Variants in GXYLT2 observed in about 807,000 individuals in gnomAD.
GXYLT2 encodes glycosyltransferase 8 domain containing 4.
In GXYLT2, 53 loss-of-function variants were observed where a neutral mutation model predicts 45.8. The observed-to-expected ratio is 1.16, with a 90% CI of 0.93 to 1.46. GXYLT2 has a LOEUF of 1.46. Among genes scored for constraint, GXYLT2 ranks in the 40% most tolerant of loss-of-function variants. The pLI is 0.00. For missense variants in GXYLT2, 551 were observed against 544.4 expected, an observed-to-expected ratio of 1.01 and a Z score of -0.12; for synonymous variants, 219 against 214.2, an observed-to-expected ratio of 1.02 and a Z score of -0.19.
intron 2 of GXYLT2, among the ~76,000 whole-genome samples, chr3:72,911,222 C>G (rs528102633): frequency 6.6e-6 from 1 of 151,998 alleles, no homozygotes; most frequent in South Asian, 2.1e-4. Context: ...ACCTGGGAGG[C>G]GGAGTTGCAG....
At position 72,955,426 on chromosome 3, in the gene GXYLT2, A is replaced by G; in HGVS notation, c.852+77A>G. On this transcript the variant is annotated intron_variant, in intron 4 of 6. Coordinates refer to ENST00000389617, the MANE Select transcript of GXYLT2 (RefSeq NM_001080393.2). ...CAACAGTGGCACTACCAGAGTGTCA[A>G]TATGCTGATTTTGGAAATTGGGTGG... The G allele has an allele frequency of 4.8e-6, 7 of 1,472,414 alleles. No individual in the cohort carries two copies. The South Asian group carries it at 6.1e-5, about 13-fold the overall frequency. 91.2% of individuals were successfully genotyped at this position (1,472,414 alleles called of 1,614,324 possible).
At chr3:72,899,364 T>C (rs1979884) in intron 1 of GXYLT2, among the ~76,000 whole-genome samples, 44,366 of 152,070 alleles carry the variant, frequency 0.29, 6,914 homozygotes, top group Non-Finnish European at 0.34. Flanking sequence ...TGAAGCCCCC[T>C]TCATGGAGTT....
chr3:72,908,834 C>A lies in GXYLT2; in HGVS notation c.468+275C>A, dbSNP rs537027743. ...CTCACTGCAGCCTCAACCTTCCAGG[C>A]TCAAGTGATCCTCCCGCCTTAGCCT... On this transcript the variant is annotated intron_variant, in intron 2 of 6. Transcript: ENST00000389617. 5.8e-4 allele frequency among the ~76,000 whole-genome samples: 88 copies of A among 152,202 alleles called. 1 individual carries two copies. In the South Asian group the frequency reaches 0.018, roughly 31 times the overall value.
intron 1 of GXYLT2, among the ~76,000 whole-genome samples, chr3:72,906,153 G>A (rs1294643899): frequency 6.6e-6 from 1 of 152,138 alleles, no homozygotes; most frequent in Non-Finnish European, 1.5e-5. Flanking sequence ...CTTTACATGT[G>A]ACTTGGGAGT....
intron 1 of GXYLT2, among the ~76,000 whole-genome samples, chr3:72,906,132 T>A (rs545558358): frequency 6.6e-6 from 1 of 152,338 alleles, no homozygotes; most frequent in East Asian, 1.9e-4. Context: ...ATCTTTAACA[T>A]CTCCACATCC....
intron 6 of GXYLT2, among the ~76,000 whole-genome samples, chr3:72,969,155 G>A (rs1710935722): frequency 6.6e-6 from 1 of 152,066 alleles, no homozygotes; most frequent in African/African-American, 2.4e-5. Context: ...GGGAATGCAG[G>A]TATGTGTATG....
chr3:72,936,586 G>A (rs1473827003), intron 3 of GXYLT2, among the ~76,000 whole-genome samples: 1 of 152,150 alleles, frequency 6.6e-6, no homozygotes, highest in Non-Finnish European at 1.5e-5. Context: ...GATGTAGTGA[G>A]CTGAGATCGC....
Position 72,909,022 on chromosome 3 carries a change from A to G in GXYLT2, c.468+463A>G, listed in dbSNP as rs367794673. Among the ~76,000 whole-genome samples, 4 of 147,770 alleles carry G rather than the reference A, an allele frequency of 2.7e-5. No homozygotes were observed. In the South Asian group the frequency reaches 8.5e-4, roughly 32 times the overall value. ...GTTATAGGCATGTGCCACCATGCCC[A>G]GCCCCCGTTTTTTCCTTTTCTTTCT... On this transcript the variant is annotated intron_variant, in intron 2 of 6. Coordinates refer to ENST00000389617, the MANE Select transcript of GXYLT2 (RefSeq NM_001080393.2).
intron 2 of GXYLT2, among the ~76,000 whole-genome samples, chr3:72,911,991 G>A (rs1312961790): frequency 7.6e-6 from 1 of 131,814 alleles, no homozygotes; most frequent in Non-Finnish European, 1.5e-5. Context: ...GTGTGTGTGT[G>A]TGTATATATA....
At chr3:72,955,394 G>T (rs746485856) in intron 4 of GXYLT2, 45 bp downstream of exon 4, 1 of 1,597,462 alleles carries the variant, frequency 6.3e-7, no homozygotes, top group South Asian at 1.1e-5. Flanking sequence ...CTGGGAGTTG[G>T]TCTTGTCAAC....
At chr3:72,933,771 C>CAG (rs1208047586) in intron 3 of GXYLT2, among the ~76,000 whole-genome samples, 2 of 152,058 alleles carry the variant, frequency 1.3e-5, no homozygotes, top group African/African-American at 4.8e-5. Context: ...TGTGGTGGCA[C>CAG]AGGTCTGTAG....
intron 6 of GXYLT2, 34 bp from the exon 7 acceptor site, chr3:72,974,943 T>C: frequency 6.8e-7 from 1 of 1,475,412 alleles, no homozygotes; most frequent in Non-Finnish European, 9.2e-7. Flanking sequence ...GGCATTTCCG[T>C]TACTAAATAA....
At chr3:72,916,596 G>A (rs1709748326) in intron 2 of GXYLT2, among the ~76,000 whole-genome samples, 1 of 151,972 alleles carries the variant, frequency 6.6e-6, no homozygotes, top group Admixed American at 6.6e-5. Flanking sequence ...CTGGAGTGTA[G>A]TGGCGTGATC....
rs1402414197 is a variant in GXYLT2 at position 72,888,091 on chromosome 3, C to A, written c.-143C>A. 3.7e-5 allele frequency: 14 copies of A among 382,052 alleles called. No homozygotes were observed. Among genetic ancestry groups the A allele is most frequent in the Non-Finnish European group, 4.6e-5 (13 of 280,992 alleles). The allele number at this position is 382,052 out of a possible 1,614,324, so 23.7% of individuals were successfully genotyped here. ...CTTCGCCGTCGCCGCCGCCGCCGGC[C>A]GCCCGCCGGCCGCCACGACCCCAGT... On this transcript the variant is annotated 5_prime_UTR_variant, in exon 1 of 7. Coordinates refer to ENST00000389617, the MANE Select transcript of GXYLT2 (RefSeq NM_001080393.2).
chr3:72,955,835 T>C (rs1710630857), intron 4 of GXYLT2, among the ~76,000 whole-genome samples: 2 of 152,212 alleles, frequency 1.3e-5, no homozygotes, highest in South Asian at 4.1e-4. Flanking sequence ...CCCAGCACTT[T>C]GGAAGACCAA....
At position 72,957,292 on chromosome 3, in the gene GXYLT2, A is replaced by G. The variant is rs769392184; in HGVS notation, c.916A>G (p.Lys306Glu). The G allele has an allele frequency of 3.1e-6, 5 of 1,613,484 alleles. No individual in the cohort carries two copies. The highest frequency in any genetic ancestry group is 4.2e-6 in the Non-Finnish European group (5 of 1,179,568). The part of the protein sequence containing the change: ...DMLYPLYQKY[K>E]NAITWGDQDL... ...GTTGTACCCTCTGTACCAGAAGTACAAGAATGCCATCACGTGGGGAGACCA... is the reference window on the plus strand; with the variant it reads ...GTTGTACCCTCTGTACCAGAAGTACGAGAATGCCATCACGTGGGGAGACCA... Residue 306 changes from lysine to glutamate, a missense_variant, in exon 5 of 7, where the codon AAG becomes GAG. Physicochemically the swap from Lys to Glu is moderately conservative, Grantham distance 56. Transcript: ENST00000389617.
chr3:72,890,257 G>T (rs1338618712), intron 1 of GXYLT2, among the ~76,000 whole-genome samples: 2 of 152,192 alleles, frequency 1.3e-5, no homozygotes, highest in Non-Finnish European at 2.9e-5. Context: ...GTGGACTTCA[G>T]ACCAGTGGCA....
chr3:72,930,642 A>G (rs1710011829), intron 3 of GXYLT2, among the ~76,000 whole-genome samples: 1 of 121,790 alleles, frequency 8.2e-6, no homozygotes, highest in South Asian at 2.6e-4. Context: ...CACCCAGGCT[A>G]GAGTACAGTG....
chr3:72,888,451 C>G lies in GXYLT2; in HGVS notation c.218C>G (p.Pro73Arg), dbSNP rs1709110444. 2 of 1,214,432 alleles carry G rather than the reference C, an allele frequency of 1.6e-6. No individual in the cohort carries two copies. Among genetic ancestry groups the G allele is most frequent in the Non-Finnish European group, 1.0e-6 (1 of 973,100 alleles). 75.2% of individuals were successfully genotyped at this position (1,214,432 alleles called of 1,614,324 possible). The change falls in exon 1 of 7, where the codon CCG (proline) becomes CGG (arginine). Residue 73 changes from proline (P) to arginine (R), a missense_variant. Coordinates refer to ENST00000389617, the MANE Select transcript of GXYLT2 (RefSeq NM_001080393.2). The part of the protein sequence containing the change: ...ASPGVRRRRP[P>R]RPRPRAGRRG... ...CCGGGAGTTCGGAGGCGCCGGCCCCCGCGTCCGCGCCCCCGAGCGGGCCGC... is the reference window on the plus strand; with the variant it reads ...CCGGGAGTTCGGAGGCGCCGGCCCCGGCGTCCGCGCCCCCGAGCGGGCCGC...
Sources: gnomAD v4.1 joint callset for allele counts (sites outside exome capture counted in the v4.1 genomes callset) on GRCh38, gnomAD v4.1.1 for gene constraint, MANE v1.5 for transcripts, NCBI Gene and HGNC (gene_info 2026-07-23, HGNC 2026-07-21) for gene names.